The following ARHGAP17 variants were observed in gnomAD, a reference collection of about 807,000 sequenced individuals.
ARHGAP17 encodes the protein rho GTPase-activating protein 17.
In ARHGAP17, 57 loss-of-function variants were observed where a neutral mutation model predicts 99.5. That is an observed-to-expected ratio of 0.57 (90% confidence interval 0.46 to 0.71). The LOEUF is 0.71. Ranked by LOEUF, ARHGAP17 falls within the 30% of genes least tolerant of loss-of-function variation. The pLI is 0.00. For synonymous variants in ARHGAP17, 417 were observed against 429.6 expected (o/e 0.97, Z 0.36); for missense variants, 1,000 against 1,122.4 (o/e 0.89, Z 1.56).
intron 5 of ARHGAP17, 26 bp downstream of exon 5, chr16:24,968,635 T>G: frequency 3.1e-6 from 5 of 1,612,124 alleles, no homozygotes; most frequent in Non-Finnish European, 4.2e-6. Flanking sequence ...TCTCGGCTCT[T>G]CCGTGCTGCA....
At chr16:24,926,039 G>A (rs1006671267) in intron 19 of ARHGAP17, among the ~76,000 whole-genome samples, 9 of 150,996 alleles carry the variant, frequency 6.0e-5, no homozygotes, top group Non-Finnish European at 1.0e-4. Context: ...GAACCCAGGA[G>A]GCGGAGCTTG....
intron 16 of ARHGAP17, among the ~76,000 whole-genome samples, chr16:24,940,388 T>C (rs1167995492): frequency 6.6e-6 from 1 of 152,010 alleles, no homozygotes; most frequent in Non-Finnish European, 1.5e-5. Context: ...AGACTACATG[T>C]GAAAGGTACA....
intron 7 of ARHGAP17, among the ~76,000 whole-genome samples, chr16:24,963,151 A>C (rs1419692034): frequency 2.6e-5 from 4 of 152,240 alleles, no homozygotes; most frequent in African/African-American, 9.6e-5. Context: ...GGTAAATGAC[A>C]CTGACAAAGC....
intron 19 of ARHGAP17, among the ~76,000 whole-genome samples, chr16:24,925,188 G>A (rs1257291742): frequency 6.6e-6 from 1 of 152,132 alleles, no homozygotes. Context: ...AGACCAGCCT[G>A]GCCAATATGG....
At chr16:24,938,730 C>T (rs2051213553) in intron 17 of ARHGAP17, among the ~76,000 whole-genome samples, 1 of 150,626 alleles carries the variant, frequency 6.6e-6, no homozygotes, top group African/African-American at 2.4e-5. Context: ...TACGATTATG[C>T]CACTGCACTC....
chr16:24,956,382 C>G (rs2051808681), intron 9 of ARHGAP17: 1 of 152,258 alleles, frequency 6.6e-6, no homozygotes, highest in South Asian at 2.1e-4. Context: ...TCTCAAACAA[C>G]AGACCTACTA....
intron 1 of ARHGAP17, among the ~76,000 whole-genome samples, chr16:25,008,482 C>A (rs2053562567): frequency 6.6e-6 from 1 of 152,156 alleles, no homozygotes; most frequent in Non-Finnish European, 1.5e-5. Context: ...TTAATCCCTA[C>A]CTTTAAGAAA....
At chr16:24,970,379 G>T in intron 4 of ARHGAP17, 128 bp downstream of exon 4, 1 of 876,306 alleles carries the variant, frequency 1.1e-6, no homozygotes, top group Non-Finnish European at 1.8e-6. Context: ...GTCTCAGCCG[G>T]TCTCCTAGCG....
At chr16:24,956,778 G>C (rs2051821693) in intron 9 of ARHGAP17, 1 of 152,232 alleles carries the variant, frequency 6.6e-6, no homozygotes, top group South Asian at 2.1e-4. Flanking sequence ...TTCACATGAT[G>C]ACAACCAACT....
At chr16:24,942,439 C>T (rs990824519) in intron 15 of ARHGAP17, among the ~76,000 whole-genome samples, 5 of 152,178 alleles carry the variant, frequency 3.3e-5, no homozygotes, top group African/African-American at 7.2e-5. Context: ...TAGAAGAGGA[C>T]GATGAGCACA....
intron 9 of ARHGAP17, among the ~76,000 whole-genome samples, chr16:24,959,137 A>G (rs1033922606): frequency 1.3e-5 from 2 of 152,248 alleles, no homozygotes; most frequent in East Asian, 1.9e-4. Flanking sequence ...ATTAATGGTG[A>G]TAAGAACAAA....
intron 1 of ARHGAP17, among the ~76,000 whole-genome samples, chr16:25,006,126 A>G (rs1251579696): frequency 1.3e-5 from 2 of 152,188 alleles, no homozygotes; most frequent in Non-Finnish European, 2.9e-5. Context: ...AGCAAAGCCA[A>G]CTGGAAGACA....
intron 18 of ARHGAP17, among the ~76,000 whole-genome samples, chr16:24,932,717 C>T (rs537593255): frequency 6.6e-6 from 1 of 152,118 alleles, no homozygotes; most frequent in Non-Finnish European, 1.5e-5. Context: ...CTCCTCCCTA[C>T]ACCAGCTGAG....
In ARHGAP17 at chr16:25,010,220, A is replaced by C. The variant is rs187874470; in HGVS notation, c.53+4989T>G. Among the ~76,000 whole-genome samples, 18 of 152,004 alleles carry C rather than the reference A, an allele frequency of 1.2e-4. No individual in the cohort carries two copies. In the East Asian group the frequency reaches 3.1e-3, roughly 26 times the overall value. The stretch of plus-strand genomic sequence containing the variant: ...CCTCCCAAGCAGCTGAGACAGGCAA[A>C]CACCACCACTCCTGGCTAGTTTTCT... On this transcript the variant is annotated intron_variant, in intron 1 of 19. Transcript: ENST00000289968.
chr16:25,007,178 A>G (rs1333387769), intron 1 of ARHGAP17, among the ~76,000 whole-genome samples: 3 of 152,220 alleles, frequency 2.0e-5, no homozygotes, highest in Non-Finnish European at 4.4e-5. Flanking sequence ...AAATTTACAG[A>G]TGAAAATTTC....
intron 1 of ARHGAP17, among the ~76,000 whole-genome samples, chr16:24,982,291 C>A (rs1333479365): frequency 6.6e-6 from 1 of 151,952 alleles, no homozygotes; most frequent in African/African-American, 2.4e-5. Flanking sequence ...GTAGTCCCAG[C>A]TACCTGGGAG....
At chr16:24,927,645 A>G (rs950000635) in intron 19 of ARHGAP17, 5 of 1,106,620 alleles carry the variant, frequency 4.5e-6, no homozygotes, top group Middle Eastern at 2.5e-4. Flanking sequence ...ATCATCAAGT[A>G]GCAAAAATGC....
In ARHGAP17 at chr16:24,968,650, G is replaced by A; in HGVS notation, c.384+11C>T. 6.2e-7 allele frequency: 1 copy of A among 1,613,812 alleles called. No homozygotes were observed. The highest frequency in any genetic ancestry group is 1.3e-5 in the African/African-American group (1 of 75,026). Reference sequence around the variant, plus strand: ...TCTCGGCTCTTCCGTGCTGCACGGTGAAGCACCCACCTCAGCTATGCCGTA... The same window carrying A: ...TCTCGGCTCTTCCGTGCTGCACGGTAAAGCACCCACCTCAGCTATGCCGTA... On this transcript the variant is annotated intron_variant, in intron 5 of 19. Transcript: ENST00000289968.
intron 1 of ARHGAP17, among the ~76,000 whole-genome samples, chr16:25,000,281 T>C (rs572137575): frequency 6.6e-6 from 1 of 152,232 alleles, no homozygotes; most frequent in South Asian, 2.1e-4. Flanking sequence ...CATTTCTGCT[T>C]TGTGGGGGAA....
Sources: allele counts gnomAD v4.1 joint callset (sites outside exome capture counted in the v4.1 genomes callset), GRCh38; gene constraint gnomAD v4.1.1; transcripts MANE v1.5; gene names NCBI Gene and HGNC (gene_info 2026-07-23, HGNC 2026-07-21).